Variants in SEMA3E observed in about 807,000 individuals in gnomAD.
The protein encoded by SEMA3E is semaphorin-3E.
In SEMA3E, 49 loss-of-function variants were observed where a neutral mutation model predicts 93.6. The observed-to-expected ratio is 0.52, with a 90% CI of 0.42 to 0.66. The LOEUF is 0.66. Among genes scored for constraint, SEMA3E ranks in the 30% least tolerant of loss-of-function variants. The pLI is 0.00. For missense variants in SEMA3E, 906 were observed against 964.8 expected (o/e 0.94, Z 0.81); for synonymous variants, 363 against 330.7 (o/e 1.10, Z -1.06).
chr7:83,505,867 T>G (rs1655247960), intron 1 of SEMA3E, among the ~76,000 whole-genome samples: 1 of 151,186 alleles, frequency 6.6e-6, no homozygotes, highest in East Asian at 1.9e-4. Context: ...TACAAAAAAT[T>G]AGCCGGGTGT....
At chr7:83,465,161 C>G (rs1789724048) in intron 4 of SEMA3E, among the ~76,000 whole-genome samples, 1 of 151,954 alleles carries the variant, frequency 6.6e-6, no homozygotes, top group Admixed American at 6.6e-5. Context: ...TCAAAAAACA[C>G]CTCCATTGAG....
intron 2 of SEMA3E, among the ~76,000 whole-genome samples, chr7:83,475,994 T>C (rs1255920419): frequency 6.6e-6 from 1 of 152,182 alleles, no homozygotes; most frequent in Non-Finnish European, 1.5e-5. Flanking sequence ...TGATCCCTCA[T>C]AGTGTTCTTA....
intron 1 of SEMA3E, among the ~76,000 whole-genome samples, chr7:83,613,229 T>G (rs1379724098): frequency 3.3e-5 from 5 of 152,016 alleles, no homozygotes; most frequent in Non-Finnish European, 7.4e-5. Context: ...TTCTAATGAA[T>G]CCATTTAACC....
chr7:83,511,613 G>A (rs540511924), intron 1 of SEMA3E, among the ~76,000 whole-genome samples: 10 of 152,188 alleles, frequency 6.6e-5, no homozygotes, highest in South Asian at 4.1e-4. Context: ...GTCCTAGTGC[G>A]GTGGCTCATG....
intron 1 of SEMA3E, among the ~76,000 whole-genome samples, chr7:83,644,212 T>C (rs1428750446): frequency 1.3e-5 from 2 of 151,184 alleles, no homozygotes; most frequent in African/African-American, 4.9e-5. Flanking sequence ...AAAAAAAATA[T>C]ATAGGCCATG....
intron 1 of SEMA3E, among the ~76,000 whole-genome samples, chr7:83,516,441 G>T (rs529684902): frequency 3.9e-5 from 6 of 152,056 alleles, no homozygotes; most frequent in African/African-American, 1.4e-4. Flanking sequence ...AAAGTATTTA[G>T]GAAAAAACAT....
rs533705672 is a variant in SEMA3E, at chr7:83,473,860, G to A, written c.277-4558C>T. 2.3e-4 allele frequency among the ~76,000 whole-genome samples: 35 copies of A among 152,174 alleles called. 1 individual carries two copies. The South Asian group carries it at 6.2e-3, about 27-fold the overall frequency. On this transcript the variant is annotated intron_variant, in intron 2 of 16. Coordinates refer to ENST00000643230, the MANE Select transcript of SEMA3E (RefSeq NM_012431.3). The stretch of plus-strand genomic sequence containing the variant: ...TGTAATCCCAGCACTTTGGGAGGCC[G>A]AGGCGGGTGGACCACCTGAGGTCAG...
At chr7:83,398,062 T>A (rs556124174) in intron 11 of SEMA3E, among the ~76,000 whole-genome samples, 1 of 152,308 alleles carries the variant, frequency 6.6e-6, no homozygotes, top group South Asian at 2.1e-4. Flanking sequence ...GACAAAATAT[T>A]ATTTGTGGGA....
chr7:83,584,986 C>T (rs1792593944), intron 1 of SEMA3E, among the ~76,000 whole-genome samples: 1 of 152,148 alleles, frequency 6.6e-6, no homozygotes, highest in Non-Finnish European at 1.5e-5. Flanking sequence ...GAGCAAGAGT[C>T]GACATCCTCT....
In SEMA3E at chr7:83,423,081, C is replaced by T. The variant is rs564439730; in HGVS notation, c.457-4598G>A. Reference sequence around the variant, plus strand: ...AACTCTCAGAAGAAGTTGATTGAGTCGACAAGAAACAATATGCACCAAGAA... The same window carrying T: ...AACTCTCAGAAGAAGTTGATTGAGTTGACAAGAAACAATATGCACCAAGAA... On this transcript the variant is annotated intron_variant, in intron 4 of 16. Coordinates refer to ENST00000643230, the MANE Select transcript of SEMA3E (RefSeq NM_012431.3). 6.6e-5 allele frequency among the ~76,000 whole-genome samples: 10 copies of T among 152,142 alleles called. No individual in the cohort carries two copies. The East Asian group carries it at 7.7e-4, about 12-fold the overall frequency.
intron 5 of SEMA3E, among the ~76,000 whole-genome samples, chr7:83,415,835 A>C (rs1788528381): frequency 6.6e-6 from 1 of 152,122 alleles, no homozygotes. Context: ...GTGACATATA[A>C]TTAACCATGA....
intron 1 of SEMA3E, among the ~76,000 whole-genome samples, chr7:83,573,736 G>T (rs544702179): frequency 6.6e-6 from 1 of 151,880 alleles, no homozygotes; most frequent in East Asian, 1.9e-4. Flanking sequence ...AATAGAGAAA[G>T]GTCTACATGT....
At chr7:83,616,542 T>C (rs1793370655) in intron 1 of SEMA3E, 1 of 279,030 alleles carries the variant, frequency 3.6e-6, no homozygotes, top group South Asian at 3.0e-5. Flanking sequence ...TATTCAATGA[T>C]ATTCCCTGCT....
At chr7:83,497,961 G>A (rs1225039455) in intron 1 of SEMA3E, among the ~76,000 whole-genome samples, 1 of 152,048 alleles carries the variant, frequency 6.6e-6, no homozygotes, top group Non-Finnish European at 1.5e-5. Context: ...CTTATCATAT[G>A]TAAATTATTA....
intron 16 of SEMA3E, among the ~76,000 whole-genome samples, chr7:83,370,555 T>A (rs916130218): frequency 6.6e-6 from 1 of 152,142 alleles, no homozygotes; most frequent in African/African-American, 2.4e-5. Flanking sequence ...TCTTCCCTTT[T>A]TTTCTGTTTC....
At chr7:83,614,526 C>G (rs1270449449) in intron 1 of SEMA3E, among the ~76,000 whole-genome samples, 1 of 152,074 alleles carries the variant, frequency 6.6e-6, no homozygotes, top group East Asian at 1.9e-4. Flanking sequence ...TGCCAGTTAT[C>G]AGTCAAGAGA....
chr7:83,647,931 C>G (rs1472901564), intron 1 of SEMA3E, among the ~76,000 whole-genome samples: 2 of 152,094 alleles, frequency 1.3e-5, no homozygotes, highest in African/African-American at 4.8e-5. Context: ...CATCATTTTT[C>G]TCCTCGGGAT....
chr7:83,476,057 T>C (rs1790002084), intron 2 of SEMA3E, among the ~76,000 whole-genome samples: 1 of 152,214 alleles, frequency 6.6e-6, no homozygotes, highest in Non-Finnish European at 1.5e-5. Context: ...AGCTCTCTTA[T>C]TAGACTATAA....
intron 4 of SEMA3E, among the ~76,000 whole-genome samples, chr7:83,449,556 G>T (rs762820702): frequency 4.5e-4 from 69 of 151,814 alleles, no homozygotes; most frequent in Non-Finnish European, 8.1e-4. Context: ...AAACTACAGA[G>T]ACAAAATAAA....
Sources: allele counts gnomAD v4.1 joint callset (sites outside exome capture counted in the v4.1 genomes callset), GRCh38; gene constraint gnomAD v4.1.1; transcripts MANE v1.5; gene names NCBI Gene and HGNC (gene_info 2026-07-23, HGNC 2026-07-21).